Variants in SZT2 observed in about 807,000 individuals in gnomAD.
SZT2 encodes the protein SZT2 subunit of KICSTOR complex.
In SZT2, 216 loss-of-function variants were observed where a neutral mutation model predicts 404.2. That is an observed-to-expected ratio of 0.53 (90% CI 0.48 to 0.60). The LOEUF is 0.60. Among genes scored for constraint, SZT2 ranks in the 20% least tolerant of loss-of-function variants. The pLI is 0.00. For synonymous variants in SZT2, 1,693 were observed against 1,749.9 expected (o/e 0.97, Z 0.81); for missense variants, 3,857 against 4,459.2 (o/e 0.86, Z 3.85).
Position 43,452,105 on chromosome 1 carries a change from G to A in SZT2, c.*1625G>A. 2.0e-6 allele frequency: 3 copies of A among 1,509,428 alleles called. No individual in the cohort carries two copies. The highest frequency in any genetic ancestry group is 2.7e-6 in the Non-Finnish European group (3 of 1,095,256). 93.5% of individuals were successfully genotyped at this position (1,509,428 alleles called of 1,614,324 possible). On this transcript the variant is annotated 3_prime_UTR_variant, in exon 72 of 72. Transcript: ENST00000634258. ...GGTCAAGGCCCTCACCTGTTCCTCT[G>A]ACCTAGGCTGGCAGCCTCACGTGCT...
rs1557594660 is a variant in SZT2, at chr1:43,442,905, A to G, written c.8238A>G (p.Arg2746=). 2 of 1,614,040 alleles carry G rather than the reference A, an allele frequency of 1.2e-6. No individual in the cohort carries two copies. The highest frequency in any genetic ancestry group is 1.7e-6 in the Non-Finnish European group (2 of 1,179,976). ...ASPPLSREQG[R]LSGSSRGGGP... is the part of the protein sequence containing the mutation. ...CCCCGCTGAGCCGTGAGCAGGGCCG[A>G]CTGAGTGGGTCCTCTCGTGGTGGGG... Residue 2746 remains arginine, a synonymous_variant, in exon 59 of 72, where the codon CGA becomes CGG. Coordinates refer to ENST00000634258, the MANE Select transcript of SZT2 (RefSeq NM_001365999.1). The surrounding 1 kb of genome is among the most constrained non-coding windows in gnomAD (Gnocchi z 4.5).
Position 43,446,400 on chromosome 1 carries a change from A to G in SZT2, c.9056A>G (p.Gln3019Arg). The G allele has an allele frequency of 6.2e-7, 1 of 1,614,284 alleles. No homozygotes were observed. Among genetic ancestry groups the G allele is most frequent in the Non-Finnish European group, 8.5e-7 (1 of 1,180,048 alleles). ...ALECSRIPMG[Q>R]AVNSQLSMLF... is the part of the protein sequence containing the mutation. ...GAATGTTCCCGAATCCCAATGGGGC[A>G]GGCTGTCAACTCACAGGTATGTGAA... The change falls in exon 65 of 72, where the codon CAG becomes CGG. Residue 3019 changes from glutamine (Q) to arginine (R), a missense_variant. Physicochemically the swap from Gln to Arg is conservative, Grantham distance 43. Around this residue, in one of 7 missense-constraint regions of SZT2, gnomAD observed 717 missense variants for 868.2 expected, o/e 0.83. Coordinates refer to ENST00000634258, the MANE Select transcript of SZT2 (RefSeq NM_001365999.1).
At chr1:43,415,335 C>A in intron 5 of SZT2, 122 bp downstream of exon 5, 1 of 1,183,454 alleles carries the variant, frequency 8.4e-7, no homozygotes, top group Non-Finnish European at 1.2e-6. Flanking sequence ...CAAAATGAGA[C>A]AAGGATAGGC....
chr1:43,404,797 C>A (rs1650107331), intron 4 of SZT2: 1 of 396,376 alleles, frequency 2.5e-6, no homozygotes, highest in East Asian at 4.5e-5. Flanking sequence ...TTTTTCACTG[C>A]TCCTGTAAAT....
intron 41 of SZT2, 25 bp downstream of exon 41, chr1:43,434,510 C>A: frequency 6.4e-7 from 1 of 1,562,820 alleles, no homozygotes; most frequent in South Asian, 1.2e-5. Flanking sequence ...TCTCCAGACC[C>A]GGACACACAG....
chr1:43,432,786 C>T lies in SZT2; in HGVS notation c.5589C>T (p.Asp1863=), dbSNP rs1654051489. The T allele has an allele frequency of 6.2e-7, 1 of 1,613,714 alleles. No homozygotes were observed. Among genetic ancestry groups the T allele is most frequent in the African/African-American group, 1.3e-5 (1 of 74,902 alleles). Residue 1863 remains aspartate, a synonymous_variant, in exon 39 of 72, where the codon GAC becomes GAT. Transcript: ENST00000634258. The stretch of plus-strand genomic sequence containing the variant: ...TCATGTCCAGTCAGGGCAGTGTGGA[C>T]TCAGACCACCTAGGTAAGCTGGGGG... ...LSLMSSQGSV[D]SDHLGYDGGS...
chr1:43,397,304 A>T (rs896433618), intron 1 of SZT2, among the ~76,000 whole-genome samples: 1 of 151,718 alleles, frequency 6.6e-6, no homozygotes, highest in African/African-American at 2.4e-5. Flanking sequence ...GCACGTGCTT[A>T]TAGTCCCAGC....
At chr1:43,435,123 A>G (rs1000292974) in intron 41 of SZT2, 77 bp from the exon 42 acceptor site, 8 of 1,538,332 alleles carry the variant, frequency 5.2e-6, no homozygotes, top group Middle Eastern at 1.7e-4. Flanking sequence ...TCTCTCTGGC[A>G]TTTGATCACC....
Position 43,437,730 on chromosome 1 carries a change from CTG to C in SZT2, c.6396+34_6396+35del. 1 of 1,614,076 alleles carries C rather than the reference CTG, an allele frequency of 6.2e-7. No individual in the cohort carries two copies. The highest frequency in any genetic ancestry group is 8.5e-7 in the Non-Finnish European group (1 of 1,179,982). ...GTATCACTCCCACTCTCTGATGCCC[CTG>C]TGTTCCTCTTGCACTTTGCTCTCTG... On this transcript the variant is annotated intron_variant, in intron 45 of 71. Transcript: ENST00000634258. This position sits in a 1 kb window ranked among gnomAD's most constrained non-coding sequence, Gnocchi z 5.3.
intron 28 of SZT2, 94 bp from the exon 29 acceptor site, chr1:43,429,607 CAA>C: frequency 6.6e-7 from 1 of 1,512,836 alleles, no homozygotes; most frequent in Non-Finnish European, 9.1e-7. Flanking sequence ...TTCCTGTGGA[CAA>C]AAAGGCTTCC....
At position 43,429,998 on chromosome 1, in the gene SZT2, A is replaced by T. The variant is rs776364353; in HGVS notation, c.4309-13A>T. 12 of 1,614,004 alleles carry T rather than the reference A, an allele frequency of 7.4e-6. No homozygotes were observed. In the South Asian group the frequency reaches 1.2e-4, roughly 16 times the overall value. On this transcript the variant is annotated splice_polypyrimidine_tract_variant and intron_variant, in intron 29 of 71. Coordinates refer to ENST00000634258, the MANE Select transcript of SZT2 (RefSeq NM_001365999.1). The stretch of plus-strand genomic sequence containing the variant: ...TGACTGACATTCTAACCTCCTTCTA[A>T]ACCCCACAACAGGAGAAGTTCCTAG...
intron 42 of SZT2, chr1:43,436,914 C>T (rs1654513730): frequency 3.8e-6 from 2 of 525,196 alleles, no homozygotes; most frequent in South Asian, 5.3e-5. Flanking sequence ...GCTTTGCCTG[C>T]CTTGATACCT....
At chr1:43,440,304 T>TG in intron 51 of SZT2, 149 bp from the exon 52 acceptor site, 1 of 1,304,788 alleles carries the variant, frequency 7.7e-7, no homozygotes, top group Non-Finnish European at 1.1e-6. Flanking sequence ...CACAAACACA[T>TG]GCAGCAGCAC....
At chr1:43,438,058 G>A (rs1654651993) in intron 46 of SZT2, 156 bp downstream of exon 46, 2 of 724,976 alleles carry the variant, frequency 2.8e-6, no homozygotes, top group Non-Finnish European at 4.6e-6. Flanking sequence ...ACTAGCTGGA[G>A]GCTCCAGACC....
In SZT2 at chr1:43,422,592, G is replaced by C; in HGVS notation, c.1882G>C (p.Val628Leu). ...TSLLRDWSSF[V>L]LVEGYSYVKL... ...TCTGCTGCGGGACTGGAGCAGCTTC[G>C]TACTAGTCGAGGGCTATTCTTATGT... is the stretch of plus-strand genomic sequence containing the variant. The change falls in exon 13 of 72, where the codon GTA becomes CTA. Residue 628 changes from valine (V) to leucine (L), a missense_variant. Val to Leu is a conservative substitution (Grantham distance 32, BLOSUM62 1). Coordinates refer to ENST00000634258, the MANE Select transcript of SZT2 (RefSeq NM_001365999.1). The C allele has an allele frequency of 6.3e-7, 1 of 1,597,874 alleles. No individual in the cohort carries two copies. Among genetic ancestry groups the C allele is most frequent in the Non-Finnish European group, 8.5e-7 (1 of 1,179,636 alleles).
rs182184747 is a variant in SZT2 at position 43,439,760 on chromosome 1, A to G, written c.7033A>G (p.Ser2345Gly). 3.8e-6 allele frequency: 6 copies of G among 1,591,346 alleles called. No individual in the cohort carries two copies. The African/African-American group carries it at 6.7e-5, about 18-fold the overall frequency. Residue 2345 changes from serine to glycine, a missense_variant, in exon 50 of 72, where the codon AGT becomes GGT. Physicochemically the swap from Ser to Gly is moderately conservative, Grantham distance 56. Coordinates refer to ENST00000634258, the MANE Select transcript of SZT2 (RefSeq NM_001365999.1). This position sits in a 1 kb window ranked among gnomAD's most constrained non-coding sequence, Gnocchi z 4.2. ...CATCCGCTGCCCGGTTGTTGTGGACAGTTCTTCAGGTGGGACAGCTTGGTC... is the reference window on the plus strand; with the variant it reads ...CATCCGCTGCCCGGTTGTTGTGGACGGTTCTTCAGGTGGGACAGCTTGGTC... ...QVIRCPVVVD[S>G]SSAQNGAPRL...
At chr1:43,445,533 A>C in intron 62 of SZT2, 5 of 313,932 alleles carry the variant, frequency 1.6e-5, no homozygotes, top group East Asian at 7.4e-5. Context: ...TTTCAGAGGA[A>C]GGTACCTAAC....
In SZT2 at chr1:43,446,221, C is replaced by T. The variant is rs748868740; in HGVS notation, c.8959C>T (p.Leu2987=). The change falls in exon 64 of 72, where the codon CTG becomes TTG. Residue 2987 remains leucine (L), a synonymous_variant. Transcript: ENST00000634258. ...AACCACCTACCACCTGCAGCGGGCA[C>T]TGCCTGGGGGCATCATCCTCATGGA... is the stretch of plus-strand genomic sequence containing the variant. The part of the protein sequence containing the change: ...PVTTYHLQRA[L]PGGIILMELA... 7 of 1,614,260 alleles carry T rather than the reference C, an allele frequency of 4.3e-6. No individual in the cohort carries two copies. In the South Asian group the frequency reaches 5.5e-5, roughly 13 times the overall value.
intron 11 of SZT2, 74 bp from the exon 12 acceptor site, chr1:43,422,009 T>C (rs1349918180): frequency 1.3e-6 from 2 of 1,491,346 alleles, no homozygotes; most frequent in East Asian, 4.6e-5. Flanking sequence ...CCACCCATGG[T>C]TTTGTTTGCT....
Sources: gnomAD v4.1 joint callset for allele counts (sites outside exome capture counted in the v4.1 genomes callset) on GRCh38, gnomAD v4.1.1 for gene constraint, gnomAD v4.1.1 regional missense constraint, Gnocchi (gnomAD v3.1) non-coding constraint, MANE v1.5 for transcripts, NCBI Gene and HGNC (gene_info 2026-07-23, HGNC 2026-07-21) for gene names.